TDP1: variants seen among roughly 807,000 people sequenced by gnomAD.
TDP1 encodes tyrosyl-DNA phosphodiesterase 1.
TDP1 carries 64 observed loss-of-function variants against 81.5 expected under a neutral mutation model. The observed-to-expected ratio is 0.79, with a 90% confidence interval of 0.64 to 0.97. The LOEUF (loss-of-function observed/expected upper bound fraction) is 0.97, where lower values mean the gene tolerates loss of function less well. TDP1 is among the 50% of genes least tolerant of loss of function. The probability of loss-of-function intolerance (pLI) is 0.00; values close to 1 mark genes in which losing one functional copy is unlikely to be tolerated. For missense variants in TDP1, 723 were observed against 743.8 expected, an observed-to-expected ratio of 0.97 and a Z score of 0.33; for synonymous variants, 256 against 264.3, an observed-to-expected ratio of 0.97 and a Z score of 0.30.
At position 89,993,453 on chromosome 14, in the gene TDP1, TC is replaced by T; in HGVS notation, c.1512del (p.Phe504LeufsTer29). ...ACATATATGAGGCCTTCTCCAGACT[TC>T]AGTAAAATTGCTTGGTTCCTTGTCA... The part of the protein sequence containing the change: ...IKTYMRPSPD[F>X]SKIAWFLVTS... On this transcript the variant is annotated frameshift_variant, in exon 14 of 17. Coordinates refer to ENST00000335725, the MANE Select transcript of TDP1 (RefSeq NM_018319.4). LOFTEE classifies it high-confidence loss of function. 1 of 1,613,820 alleles carries T rather than the reference TC, an allele frequency of 6.2e-7. No individual in the cohort carries two copies. Among genetic ancestry groups the T allele is most frequent in the Non-Finnish European group, 8.5e-7 (1 of 1,179,822 alleles).
At chr14:90,031,025 G>A (rs1221114092) in intron 15 of TDP1, among the ~76,000 whole-genome samples, 9 of 151,736 alleles carry the variant, frequency 5.9e-5, no homozygotes, top group Middle Eastern at 3.4e-3. Flanking sequence ...TGCCTGCCTC[G>A]GCCTCCCAAA....
chr14:90,016,286 C>G (rs539080073), intron 14 of TDP1, among the ~76,000 whole-genome samples: 4 of 152,034 alleles, frequency 2.6e-5, no homozygotes, highest in African/African-American at 9.7e-5. Context: ...TCAGATGATC[C>G]GCTGCCTTGG....
intron 15 of TDP1, among the ~76,000 whole-genome samples, chr14:90,023,488 G>A (rs1388917031): frequency 6.6e-6 from 1 of 152,126 alleles, no homozygotes; most frequent in East Asian, 1.9e-4. Flanking sequence ...AGTGGTCTTA[G>A]GCCAGTTTTC....
chr14:89,980,065 C>T (rs1351328893), intron 7 of TDP1: 1 of 578,010 alleles, frequency 1.7e-6, no homozygotes, highest in Non-Finnish European at 2.2e-6. Context: ...TGTGCACTAA[C>T]ATACCTTTGT....
At position 89,982,216 on chromosome 14, in the gene TDP1, T is replaced by C. The variant is rs548082089; in HGVS notation, c.884+1584T>C. Among the ~76,000 whole-genome samples, 3 of 152,314 alleles carry C rather than the reference T, an allele frequency of 2.0e-5. No homozygotes were observed. The South Asian group carries it at 6.2e-4, about 32-fold the overall frequency. ...TTTTCTATAAACATGTTATAATTTTTCAGTATCCCACTGAAAATATGCTTT... is the reference window on the plus strand; with the variant it reads ...TTTTCTATAAACATGTTATAATTTTCCAGTATCCCACTGAAAATATGCTTT... On this transcript the variant is annotated intron_variant, in intron 8 of 16. Transcript: ENST00000335725.
intron 7 of TDP1, among the ~76,000 whole-genome samples, chr14:89,976,981 C>T (rs1260349705): frequency 6.6e-6 from 1 of 152,008 alleles, no homozygotes; most frequent in African/African-American, 2.4e-5. Context: ...TGGTGAAACC[C>T]CATCTCTACT....
At chr14:90,004,389 A>C (rs930163126) in intron 14 of TDP1, among the ~76,000 whole-genome samples, 1 of 152,230 alleles carries the variant, frequency 6.6e-6, no homozygotes, top group South Asian at 2.1e-4. Context: ...CTCACAAGTA[A>C]TATAGCAAAT....
At position 89,975,552 on chromosome 14, in the gene TDP1, G is replaced by A. The variant is rs916586012; in HGVS notation, c.757-229G>A. 6.9e-6 allele frequency: 4 copies of A among 583,428 alleles called. No homozygotes were observed. In the African/African-American group the frequency reaches 8.6e-5, roughly 13 times the overall value. 36.1% of individuals were successfully genotyped at this position (583,428 alleles called of 1,614,324 possible). A position where few individuals can be genotyped will look rare whatever the true frequency, so the allele number is the denominator to read the frequency against. On this transcript the variant is annotated intron_variant, in intron 6 of 16. Coordinates refer to ENST00000335725, the MANE Select transcript of TDP1 (RefSeq NM_018319.4). Reference sequence around the variant, plus strand: ...AAAAATGTAGTATATATTCTGTAGTGTATAATCATTCTGGGTAACAAAATT... The same window carrying A: ...AAAAATGTAGTATATATTCTGTAGTATATAATCATTCTGGGTAACAAAATT...
At chr14:89,969,280 T>C (rs201871442) in intron 5 of TDP1, among the ~76,000 whole-genome samples, 54 of 136,922 alleles carry the variant, frequency 3.9e-4, no homozygotes, top group African/African-American at 1.5e-3. Context: ...GTGTCCTCCT[T>C]CTCCCTGCAT....
chr14:90,023,688 G>A (rs573752688), intron 15 of TDP1, among the ~76,000 whole-genome samples: 6 of 152,084 alleles, frequency 3.9e-5, no homozygotes, highest in East Asian at 1.9e-4. Context: ...CTCTTGGCAC[G>A]TCTTTTCTTT....
In TDP1 at chr14:89,985,962, G is replaced by GAT. The variant is rs1353536325; in HGVS notation, c.1131+753_1131+754dup. On this transcript the variant is annotated intron_variant, in intron 10 of 16. Coordinates refer to ENST00000335725, the MANE Select transcript of TDP1 (RefSeq NM_018319.4). ...GAATCGCTTGAACCCGGGAGGCGGA[G>GAT]ATTGCAGTGAGCTGAGACCACACCA... is the stretch of plus-strand genomic sequence containing the variant. Among the ~76,000 whole-genome samples the GAT allele has an allele frequency of 2.6e-5, 4 of 152,228 alleles. No homozygotes were observed. The East Asian group carries it at 7.7e-4, about 29-fold the overall frequency.
intron 8 of TDP1, 34 bp downstream of exon 8, chr14:89,980,666 G>A (rs1393470068): frequency 1.9e-6 from 3 of 1,543,178 alleles, no homozygotes; most frequent in Non-Finnish European, 2.7e-6. Context: ...CTGGCAGTGT[G>A]TGTGTTGATA....
intron 16 of TDP1, among the ~76,000 whole-genome samples, chr14:90,035,461 CAAA>C (rs754856885): frequency 7.3e-6 from 1 of 136,148 alleles, no homozygotes; most frequent in Non-Finnish European, 1.6e-5. Flanking sequence ...TACCTGCCAC[CAAA>C]AAAAAAAAAA....
intron 14 of TDP1, among the ~76,000 whole-genome samples, chr14:90,010,961 G>A (rs1884629712): frequency 6.6e-6 from 1 of 152,144 alleles, no homozygotes; most frequent in Admixed American, 6.5e-5. Flanking sequence ...ATCTTGAATT[G>A]TAGCACCCAT....
At chr14:89,978,453 C>T (rs1395173812) in intron 7 of TDP1, among the ~76,000 whole-genome samples, 2 of 152,304 alleles carry the variant, frequency 1.3e-5, no homozygotes, top group South Asian at 4.1e-4. Context: ...GTTCTCTTCC[C>T]CCTTTGCAGG....
intron 14 of TDP1, among the ~76,000 whole-genome samples, chr14:90,004,518 C>T (rs1219533532): frequency 6.6e-6 from 1 of 152,182 alleles, no homozygotes; most frequent in Non-Finnish European, 1.5e-5. Flanking sequence ...AAAACTAAAG[C>T]ATAGAGAGCT....
At chr14:90,032,459 CG>C (rs1229375055) in intron 15 of TDP1, among the ~76,000 whole-genome samples, 1 of 152,002 alleles carries the variant, frequency 6.6e-6, no homozygotes, top group Non-Finnish European at 1.5e-5. Context: ...GGGGGCACAT[CG>C]GTCATGTGGT....
intron 14 of TDP1, among the ~76,000 whole-genome samples, chr14:90,009,345 A>C (rs867714827): frequency 2.0e-5 from 3 of 152,240 alleles, no homozygotes; most frequent in African/African-American, 7.2e-5. Context: ...AGGAGTGACC[A>C]GAGAGGTTGA....
chr14:89,998,685 G>A (rs1442472043), intron 14 of TDP1, among the ~76,000 whole-genome samples: 2 of 151,742 alleles, frequency 1.3e-5, no homozygotes, highest in African/African-American at 4.8e-5. Context: ...TGACATTCAT[G>A]CAGAGACCTG....
Sources: allele counts gnomAD v4.1 joint callset (sites outside exome capture counted in the v4.1 genomes callset), GRCh38; gene constraint gnomAD v4.1.1; transcripts MANE v1.5; gene names NCBI Gene and HGNC (gene_info 2026-07-23, HGNC 2026-07-21).